Variants in MAMLD1 observed in about 807,000 individuals in gnomAD.
MAMLD1 encodes mastermind-like domain-containing protein 1.
A neutral mutation model predicts 45.0 loss-of-function variants in MAMLD1; 14 were observed. The ratio of observed to expected loss-of-function variants is 0.31; its 90% CI spans 0.21 to 0.49. The LOEUF is 0.49. Among genes scored for constraint, MAMLD1 ranks in the 20% least tolerant of loss-of-function variants. The pLI is 0.99. For synonymous variants in MAMLD1, 254 were observed against 247.8 expected (o/e 1.02, Z -0.24); for missense variants, 543 against 603.6 (o/e 0.90, Z 1.05).
intron 1 of MAMLD1, among the ~76,000 whole-genome samples, chrX:150,437,073 T>C (rs1288700722): frequency 9.0e-6 from 1 of 111,048 alleles, no homozygotes; most frequent in Admixed American, 9.6e-5. Context: ...TCTCTGGCCC[T>C]TCAAGGTTAG....
intron 5 of MAMLD1, among the ~76,000 whole-genome samples, chrX:150,496,720 C>A (rs1219079603): frequency 8.9e-6 from 1 of 111,874 alleles, no homozygotes; most frequent in South Asian, 3.8e-4. Flanking sequence ...GGCCCACCAA[C>A]CTCATTACCC....
intron 2 of MAMLD1, among the ~76,000 whole-genome samples, chrX:150,453,554 G>A (rs1380104904): frequency 5.4e-5 from 6 of 111,962 alleles, no homozygotes; most frequent in African/African-American, 1.9e-4. Flanking sequence ...GCCCCTAAAA[G>A]TGTTTCTTTT....
chrX:150,362,559 G>A (rs742581), upstream of MAMLD1, among the ~76,000 whole-genome samples: 12,399 of 109,294 alleles, frequency 0.11, 705 homozygotes, highest in African/African-American at 0.21. Context: ...TGTCTCGTAC[G>A]GTCTCCTGTC....
At chrX:150,495,743 C>T (rs182535955) in intron 5 of MAMLD1, among the ~76,000 whole-genome samples, 11 of 112,280 alleles carry the variant, frequency 9.8e-5, no homozygotes, top group Admixed American at 5.7e-4. Context: ...AACCCCATTA[C>T]GCTGACCATG....
chrX:150,375,977 T>C (rs1038872631), intron 1 of MAMLD1, among the ~76,000 whole-genome samples: 10 of 111,775 alleles, frequency 8.9e-5, no homozygotes, highest in African/African-American at 2.6e-4. Context: ...GAGTCCCTGG[T>C]GCTACAGTGG....
chrX:150,451,157 C>T (rs1473466348), intron 2 of MAMLD1, among the ~76,000 whole-genome samples: 3 of 112,539 alleles, frequency 2.7e-5, no homozygotes, highest in Non-Finnish European at 5.6e-5. Flanking sequence ...GTGAGGGGAG[C>T]TCCATTTTTC....
At chrX:150,450,030 C>T (rs1038841516) in intron 2 of MAMLD1, among the ~76,000 whole-genome samples, 1 of 110,939 alleles carries the variant, frequency 9.0e-6, no homozygotes, top group African/African-American at 3.3e-5. Context: ...AACTCAGGTG[C>T]CCTGCCTCCA....
chrX:150,467,519 C>A (rs1557406032), intron 3 of MAMLD1, among the ~76,000 whole-genome samples: 2 of 112,598 alleles, frequency 1.8e-5, no homozygotes, highest in Admixed American at 9.4e-5. Flanking sequence ...CCATTCCTGC[C>A]TGACCCATGG....
intron 1 of MAMLD1, among the ~76,000 whole-genome samples, chrX:150,421,359 C>T (rs374510487): frequency 1.8e-5 from 2 of 112,576 alleles, no homozygotes; most frequent in Non-Finnish European, 3.8e-5. Context: ...GAGATGAACC[C>T]GGTACCTCAG....
At chrX:150,481,660 C>T (rs781829329) in intron 5 of MAMLD1, among the ~76,000 whole-genome samples, 2 of 108,597 alleles carry the variant, frequency 1.8e-5, no homozygotes, top group East Asian at 5.8e-4. Flanking sequence ...TGAGATCCCA[C>T]CTTTACAAAA....
In MAMLD1 at chrX:150,371,576, G is replaced by A. The variant is rs782618006; in HGVS notation, c.-64+8046G>A. On this transcript the variant is annotated intron_variant, in intron 1 of 7. Transcript: ENST00000370401. ...AAAGTGTGGGTCTTTGGAGCATAAA[G>A]ACAGGAAAAAAACAAAGTCAAGTAA... is the stretch of plus-strand genomic sequence containing the variant. Among the ~76,000 whole-genome samples, 10 of 111,967 alleles carry A rather than the reference G, an allele frequency of 8.9e-5. No individual in the cohort carries two copies. In the South Asian group the frequency reaches 3.7e-3, roughly 42 times the overall value.
At chrX:150,482,234 T>C (rs1303792403) in intron 5 of MAMLD1, among the ~76,000 whole-genome samples, 2 of 112,593 alleles carry the variant, frequency 1.8e-5, no homozygotes, top group African/African-American at 6.4e-5. Context: ...CTGAAGGCAT[T>C]AAGCTAAGTG....
chrX:150,396,046 G>A (rs1045256218), intron 1 of MAMLD1, among the ~76,000 whole-genome samples: 8 of 106,371 alleles, frequency 7.5e-5, no homozygotes, highest in Admixed American at 3.0e-4. Flanking sequence ...GCAATGGTGC[G>A]ATCATAGCTC....
chrX:150,397,396 T>C (rs1313174166), intron 1 of MAMLD1, among the ~76,000 whole-genome samples: 2 of 112,225 alleles, frequency 1.8e-5, no homozygotes, highest in Non-Finnish European at 3.8e-5. Context: ...TACTTTTGCA[T>C]CTTTCAGGAG....
chrX:150,411,795 A>T (rs1002596166), intron 1 of MAMLD1, among the ~76,000 whole-genome samples: 4 of 111,180 alleles, frequency 3.6e-5, no homozygotes, highest in Non-Finnish European at 7.5e-5. Flanking sequence ...CCAGCAAGCC[A>T]CCTGTCAGGA....
rs782020217 is a variant in MAMLD1, at chrX:150,473,739, A to G, written c.1977A>G (p.Gln659=). ...SAASSVKPQH[Q]HGNSFTSRQD... ...CTAGCTCGGTGAAGCCCCAGCATCA[A>G]CACGGGAACTCTTTCACTAGCAGGC... Residue 659 remains glutamine (Q), a synonymous_variant, in exon 5 of 8, where the codon CAA becomes CAG. Transcript: ENST00000370401. 3 of 1,205,834 alleles carry G rather than the reference A, an allele frequency of 2.5e-6. No homozygotes were observed. The South Asian group carries it at 5.3e-5, about 21-fold the overall frequency.
chrX:150,420,610 G>T (rs1238769018), intron 1 of MAMLD1, among the ~76,000 whole-genome samples: 2 of 112,160 alleles, frequency 1.8e-5, no homozygotes, highest in African/African-American at 6.5e-5. Context: ...TGTACAGATG[G>T]GTTTTTGGTG....
chrX:150,405,938 C>A (rs782081468), intron 1 of MAMLD1, among the ~76,000 whole-genome samples: 1 of 111,111 alleles, frequency 9.0e-6, no homozygotes, highest in Non-Finnish European at 1.9e-5. Context: ...CCCTCCCCAG[C>A]GTGGCCATTT....
chrX:150,372,017 G>A (rs2032030339), intron 1 of MAMLD1, among the ~76,000 whole-genome samples: 1 of 112,170 alleles, frequency 8.9e-6, no homozygotes, highest in South Asian at 3.7e-4. Flanking sequence ...TCAGTCAAGT[G>A]TAGAACATCC....
Sources: allele counts gnomAD v4.1 joint callset (sites outside exome capture counted in the v4.1 genomes callset), GRCh38; gene constraint gnomAD v4.1.1; transcripts MANE v1.5; gene names NCBI Gene and HGNC (gene_info 2026-07-23, HGNC 2026-07-21).